Variants in MSH4 observed in about 807,000 individuals in gnomAD.
MSH4 encodes the protein mutS protein homolog 4.
A neutral mutation model predicts 113.7 loss-of-function variants in MSH4; 106 were observed. The observed-to-expected ratio is 0.93, with a 90% CI of 0.80 to 1.10. MSH4 has a LOEUF of 1.10. Among genes scored for constraint, MSH4 ranks in the 50% least tolerant of loss-of-function variants. The pLI, the probability that MSH4 is intolerant of heterozygous loss-of-function variation, is 0.00. For missense variants in MSH4, 1,061 were observed against 1,093.7 expected, an observed-to-expected ratio of 0.97 and a Z score of 0.42; for synonymous variants, 368 against 380.2, an observed-to-expected ratio of 0.97 and a Z score of 0.37.
At chr1:75,825,723 A>T (rs905499874) in intron 7 of MSH4, among the ~76,000 whole-genome samples, 1 of 152,134 alleles carries the variant, frequency 6.6e-6, no homozygotes, top group African/African-American at 2.4e-5. Context: ...TGAGATAATC[A>T]TGTGGTTTTT....
intron 7 of MSH4, among the ~76,000 whole-genome samples, chr1:75,841,364 A>C (rs1205175800): frequency 3.3e-5 from 5 of 151,874 alleles, no homozygotes; most frequent in Admixed American, 1.3e-4. Context: ...TGCCTGGCTA[A>C]TTTTTACATT....
At chr1:75,798,899 C>G (rs1312603613) in intron 1 of MSH4, among the ~76,000 whole-genome samples, 1 of 152,144 alleles carries the variant, frequency 6.6e-6, no homozygotes, top group African/African-American at 2.4e-5. Flanking sequence ...AGCTTACTTA[C>G]TGTACCACCA....
chr1:75,887,637 G>A (rs71656860), intron 15 of MSH4, among the ~76,000 whole-genome samples: 7,154 of 152,224 alleles, frequency 0.047, 209 homozygotes, highest in African/African-American at 0.064. Flanking sequence ...TATTGAGAAG[G>A]AATTTGTCCA....
At chr1:75,869,684 T>A (rs1337877956) in intron 9 of MSH4, among the ~76,000 whole-genome samples, 1 of 152,140 alleles carries the variant, frequency 6.6e-6, no homozygotes, top group Non-Finnish European at 1.5e-5. Context: ...CCATGTGGTG[T>A]TGAGCCTGCA....
chr1:75,856,097 T>C (rs1413689018), intron 8 of MSH4, among the ~76,000 whole-genome samples: 4 of 152,174 alleles, frequency 2.6e-5, no homozygotes. Flanking sequence ...CTGAGAAATA[T>C]CTGTGAATAG....
chr1:75,875,818 G>C (rs1037963301), intron 9 of MSH4, among the ~76,000 whole-genome samples: 1 of 139,092 alleles, frequency 7.2e-6, no homozygotes, highest in Non-Finnish European at 1.6e-5. Flanking sequence ...TTACTGTTAA[G>C]TACTTATGGG....
chr1:75,909,022 T>A (rs1301200291), intron 19 of MSH4, among the ~76,000 whole-genome samples: 4 of 152,110 alleles, frequency 2.6e-5, no homozygotes, highest in African/African-American at 9.7e-5. Flanking sequence ...TGAGGAGTAG[T>A]TTTACAGGCT....
At chr1:75,866,831 G>A (rs1651572445) in intron 8 of MSH4, among the ~76,000 whole-genome samples, 1 of 150,684 alleles carries the variant, frequency 6.6e-6, no homozygotes. Flanking sequence ...AAAAAAAAAA[G>A]AAACATCTTC....
intron 3 of MSH4, among the ~76,000 whole-genome samples, 168 bp from the exon 4 acceptor site, chr1:75,810,529 A>G (rs1004026847): frequency 1.3e-5 from 2 of 149,750 alleles, no homozygotes; most frequent in Admixed American, 1.4e-4. Flanking sequence ...TGCTGGGATT[A>G]CAGGTGTGAA....
chr1:75,797,591 A>T (rs1449633652), intron 1 of MSH4, among the ~76,000 whole-genome samples: 1 of 152,212 alleles, frequency 6.6e-6, no homozygotes, highest in African/African-American at 2.4e-5. Flanking sequence ...GGGATAAAAT[A>T]GATTAAATTG....
chr1:75,869,487 A>G (rs1266448971), intron 9 of MSH4, among the ~76,000 whole-genome samples: 1 of 152,180 alleles, frequency 6.6e-6, no homozygotes, highest in Non-Finnish European at 1.5e-5. Flanking sequence ...AGAGACCTTT[A>G]TGGCAGCCCC....
chr1:75,847,744 T>C (rs5745406), intron 7 of MSH4, among the ~76,000 whole-genome samples: 2 of 152,218 alleles, frequency 1.3e-5, no homozygotes, highest in Non-Finnish European at 2.9e-5. Context: ...TCTAACAACC[T>C]GTTCTTGTGT....
chr1:75,874,415 C>T (rs1048281152), intron 9 of MSH4, among the ~76,000 whole-genome samples: 1 of 152,130 alleles, frequency 6.6e-6, no homozygotes, highest in Non-Finnish European at 1.5e-5. Context: ...CACCCTTGAA[C>T]TTCTAGGCTC....
chr1:75,849,987 T>G (rs1448322531), intron 8 of MSH4, among the ~76,000 whole-genome samples: 1 of 152,132 alleles, frequency 6.6e-6, no homozygotes, highest in Non-Finnish European at 1.5e-5. Context: ...TCTCATAATA[T>G]CCTCCTTATA....
At chr1:75,845,837 T>C (rs1651063784) in intron 7 of MSH4, among the ~76,000 whole-genome samples, 1 of 152,120 alleles carries the variant, frequency 6.6e-6, no homozygotes, top group Admixed American at 6.6e-5. Flanking sequence ...CTTTCTGTGG[T>C]AGGTTCTCTG....
chr1:75,848,495 C>T (rs1651121616), intron 8 of MSH4, among the ~76,000 whole-genome samples: 1 of 152,176 alleles, frequency 6.6e-6, no homozygotes, highest in Non-Finnish European at 1.5e-5. Flanking sequence ...CATGGTGGCT[C>T]ATGCCTATAA....
In MSH4 at chr1:75,912,753, A is replaced by G; in HGVS notation, c.2677A>G (p.Thr893Ala). The change falls in exon 20 of 20, where the codon ACT becomes GCT. Residue 893 changes from threonine to alanine, a missense_variant. Physicochemically the swap from Thr to Ala is moderately conservative, Grantham distance 58. Coordinates refer to ENST00000263187, the MANE Select transcript of MSH4 (RefSeq NM_002440.4). ...ACAGAGAGCTGTGTACCATCTAGCC[A>G]CTAGGCTTGTTCAAACTGCTCGAAA... is the stretch of plus-strand genomic sequence containing the variant. ...ERQRAVYHLA[T>A]RLVQTARNSQ... 1 of 1,592,704 alleles carries G rather than the reference A, an allele frequency of 6.3e-7. No homozygotes were observed. The highest frequency in any genetic ancestry group is 8.5e-7 in the Non-Finnish European group (1 of 1,170,624).
chr1:75,808,233 G>C (rs1453391969), intron 3 of MSH4, among the ~76,000 whole-genome samples: 4 of 152,030 alleles, frequency 2.6e-5, no homozygotes, highest in African/African-American at 9.7e-5. Flanking sequence ...ATGAAGCTTG[G>C]TGCAGACAAT....
At chr1:75,870,479 T>C (rs1651687019) in intron 9 of MSH4, among the ~76,000 whole-genome samples, 1 of 152,162 alleles carries the variant, frequency 6.6e-6, no homozygotes, top group Non-Finnish European at 1.5e-5. Flanking sequence ...AAAACTCACC[T>C]TGAGTTGTAA....
Sources: gnomAD v4.1 joint callset for allele counts (sites outside exome capture counted in the v4.1 genomes callset) on GRCh38, gnomAD v4.1.1 for gene constraint, MANE v1.5 for transcripts, NCBI Gene and HGNC (gene_info 2026-07-23, HGNC 2026-07-21) for gene names.